ERLIN2: variants seen among roughly 807,000 people sequenced by gnomAD.
ERLIN2 encodes the protein ER lipid raft associated 2.
A neutral mutation model predicts 41.5 loss-of-function variants in ERLIN2; 22 were observed. That is an observed-to-expected ratio of 0.53 (90% CI 0.38 to 0.76). The LOEUF is 0.76. Ranked by LOEUF, ERLIN2 falls within the 30% of genes least tolerant of loss-of-function variation. The probability of loss-of-function intolerance (pLI) is 0.00; values close to 1 mark genes in which losing one functional copy is unlikely to be tolerated. For missense variants in ERLIN2, 247 were observed against 414.3 expected, an observed-to-expected ratio of 0.60 and a Z score of 3.51; for synonymous variants, 149 against 150.9, an observed-to-expected ratio of 0.99 and a Z score of 0.09.
At position 37,741,778 on chromosome 8, in the gene ERLIN2, C is replaced by T. The variant is rs1337031030; in HGVS notation, c.196C>T (p.Leu66Phe). 6.2e-7 allele frequency: 1 copy of T among 1,613,430 alleles called. No individual in the cohort carries two copies. Among genetic ancestry groups the T allele is most frequent in the Non-Finnish European group, 8.5e-7 (1 of 1,179,316 alleles). Reference sequence around the variant, plus strand: ...ATGTTTCCTCTGTTTCCAGACCACACTCCAGACAGATGAGGTGAAGAATGT... The same window carrying T: ...ATGTTTCCTCTGTTTCCAGACCACATTCCAGACAGATGAGGTGAAGAATGT... Reference protein sequence around the residue: ...ITSYKSVQTTLQTDEVKNVPC... With the variant: ...ITSYKSVQTTFQTDEVKNVPC... The change falls in exon 4 of 12, where the codon CTC becomes TTC. Residue 66 changes from leucine to phenylalanine, a missense_variant. By Grantham distance (22) the Leu-to-Phe change is conservative. Around this residue, in one of 3 missense-constraint regions of ERLIN2, gnomAD observed 93 missense variants for 139.0 expected, o/e 0.67. Transcript: ENST00000519638. This position sits in a 1 kb window ranked among gnomAD's most constrained non-coding sequence, Gnocchi z 4.8.
chr8:37,740,222 G>C, intron 2 of ERLIN2, 143 bp from the exon 3 acceptor site: 1 of 713,192 alleles, frequency 1.4e-6, no homozygotes, highest in Non-Finnish European at 2.6e-6. Context: ...GAGGAAGAAA[G>C]GGATCTGTAG....
At position 37,756,162 on chromosome 8, in the gene ERLIN2, T is replaced by C. The variant is rs1803354278; in HGVS notation, c.*2047T>C. ...CAAGATCATGCCATCCCACTCTAGCTTGGGCAATAGAGCAAGGCTCCGTCT... is the reference window on the plus strand; with the variant it reads ...CAAGATCATGCCATCCCACTCTAGCCTGGGCAATAGAGCAAGGCTCCGTCT... On this transcript the variant is annotated 3_prime_UTR_variant, in exon 12 of 12. Coordinates refer to ENST00000519638, the MANE Select transcript of ERLIN2 (RefSeq NM_007175.8). 2 of 152,184 alleles carry C rather than the reference T, an allele frequency of 1.3e-5. No homozygotes were observed. Among genetic ancestry groups the C allele is most frequent in the South Asian group, 2.1e-4 (1 of 4,834 alleles). 9.4% of individuals were successfully genotyped at this position (152,184 alleles called of 1,614,324 possible). A position where few individuals can be genotyped will look rare whatever the true frequency, so the allele number is the denominator to read the frequency against.
chr8:37,744,262 C>G, intron 4 of ERLIN2, 93 bp from the exon 5 acceptor site: 1 of 1,104,874 alleles, frequency 9.1e-7, no homozygotes, highest in Non-Finnish European at 1.4e-6. Context: ...TACTCCTTTT[C>G]TGCCAAGCCC....
At chr8:37,740,952 A>G (rs1802832465) in intron 3 of ERLIN2, among the ~76,000 whole-genome samples, 1 of 152,216 alleles carries the variant, frequency 6.6e-6, no homozygotes, top group Non-Finnish European at 1.5e-5. Flanking sequence ...AAGAATAACA[A>G]GATTTTACAC....
chr8:37,746,255 C>CT, intron 6 of ERLIN2: 1 of 985,528 alleles, frequency 1.0e-6, no homozygotes, highest in Non-Finnish European at 1.2e-6. Flanking sequence ...ATAGCCCAGA[C>CT]TTTAAACATG....
chr8:37,736,635 C>A lies in ERLIN2; in HGVS notation c.-59C>A. ...GCTGAGGGGTGTGACGGTTTTCTTG[C>A]TCGTGGGCTCGGACGAGTACGGAGC... On this transcript the variant is annotated 5_prime_UTR_variant, in exon 1 of 12. Transcript: ENST00000519638. The A allele has an allele frequency of 1.0e-6, 1 of 986,314 alleles. No homozygotes were observed. The highest frequency in any genetic ancestry group is 6.1e-5 in the Admixed American group (1 of 16,322). The allele number at this position is 986,314 out of a possible 1,614,324, so 61.1% of individuals were successfully genotyped here.
chr8:37,748,296 T>C (rs1019862368), intron 6 of ERLIN2, among the ~76,000 whole-genome samples: 2 of 152,242 alleles, frequency 1.3e-5, no homozygotes, highest in Admixed American at 6.5e-5. Flanking sequence ...ACGGGCCATT[T>C]AAAGTTTGGT....
chr8:37,755,548 GACCCCCA>G lies in ERLIN2; in HGVS notation c.*1434_*1440del, dbSNP rs1803334027. 1.9e-5 allele frequency: 1 copy of G among 52,340 alleles called. No homozygotes were observed. Among genetic ancestry groups the G allele is most frequent in the Admixed American group, 1.8e-4 (1 of 5,658 alleles). 3.2% of individuals were successfully genotyped at this position (52,340 alleles called of 1,614,324 possible). A position where few individuals can be genotyped will look rare whatever the true frequency, so the allele number is the denominator to read the frequency against. On this transcript the variant is annotated 3_prime_UTR_variant, in exon 12 of 12. Transcript: ENST00000519638. ...TTAGGACTTGGCCCTGTTATGAGCT[GACCCCCA>G]CCCCCCACCCCCCACCCCCCCCCCC... is the stretch of plus-strand genomic sequence containing the variant.
Position 37,744,354 on chromosome 8 carries a change from G to T in ERLIN2, c.237-1G>T. On this transcript the variant is annotated splice_acceptor_variant, in intron 4 of 11. Coordinates refer to ENST00000519638, the MANE Select transcript of ERLIN2 (RefSeq NM_007175.8). LOFTEE classifies it high-confidence loss of function. The stretch of plus-strand genomic sequence containing the variant: ...CTTCTTGTCCATTCTCCCTCCAATA[G>T]TGGTGGTGTGATGATCTACTTTGAC... 2 of 1,613,416 alleles carry T rather than the reference G, an allele frequency of 1.2e-6. No individual in the cohort carries two copies. Among genetic ancestry groups the T allele is most frequent in the Non-Finnish European group, 1.7e-6 (2 of 1,179,384 alleles).
At chr8:37,750,980 A>G (rs922965401) in intron 9 of ERLIN2, among the ~76,000 whole-genome samples, 2 of 152,128 alleles carry the variant, frequency 1.3e-5, no homozygotes, top group African/African-American at 4.8e-5. Context: ...CAGCCTCCCA[A>G]AGTGCTGGGA....
intron 8 of ERLIN2, chr8:37,750,089 CA>C (rs1318216583): frequency 1.6e-6 from 1 of 631,404 alleles, no homozygotes; most frequent in African/African-American, 1.8e-5. Flanking sequence ...TGAAAAGGGC[CA>C]GGGGGCCTTG....
chr8:37,744,545 T>C, intron 5 of ERLIN2, 26 bp from the exon 6 acceptor site: 2 of 1,614,160 alleles, frequency 1.2e-6, no homozygotes, highest in Non-Finnish European at 1.7e-6. Flanking sequence ...CCTTTTCTTA[T>C]GCCAAGCCCT....
chr8:37,747,553 A>G lies in ERLIN2; in HGVS notation c.425-2006A>G, dbSNP rs777332001. On this transcript the variant is annotated intron_variant, in intron 6 of 11. Coordinates refer to ENST00000519638, the MANE Select transcript of ERLIN2 (RefSeq NM_007175.8). Reference sequence around the variant, plus strand: ...CACAGTGACAGAACTGAACTTGCCCATGTCTTTGGTCCGTTTGGTCATCAT... The same window carrying G: ...CACAGTGACAGAACTGAACTTGCCCGTGTCTTTGGTCCGTTTGGTCATCAT... 1.9e-6 allele frequency: 3 copies of G among 1,612,366 alleles called. No individual in the cohort carries two copies. In the South Asian group the frequency reaches 3.3e-5, roughly 18 times the overall value.
intron 11 of ERLIN2, 25 bp downstream of exon 11, chr8:37,753,554 A>G (rs777054945): frequency 1.2e-5 from 19 of 1,605,718 alleles, no homozygotes; most frequent in Non-Finnish European, 1.6e-5. Context: ...CAGCCTGATA[A>G]AAAGGAGTCT....
In ERLIN2 at chr8:37,758,371, T is replaced by G. The variant is rs953305828; in HGVS notation, c.*4256T>G. 2 of 152,242 alleles carry G rather than the reference T, an allele frequency of 1.3e-5. No individual in the cohort carries two copies. Among genetic ancestry groups the G allele is most frequent in the African/African-American group, 4.8e-5 (2 of 41,472 alleles). 9.4% of individuals were successfully genotyped at this position (152,242 alleles called of 1,614,324 possible). ...GGTCTTGAATAAGTTTTTTGACCTC[T>G]CTAAGCCTCAGTTTCTTCATTAATA... On this transcript the variant is annotated 3_prime_UTR_variant, in exon 12 of 12. Coordinates refer to ENST00000519638, the MANE Select transcript of ERLIN2 (RefSeq NM_007175.8).
chr8:37,744,988 C>G, intron 6 of ERLIN2: 1 of 606,980 alleles, frequency 1.6e-6, no homozygotes, highest in Non-Finnish European at 2.9e-6. Context: ...TCCCACTGTT[C>G]CTAAACTATC....
chr8:37,737,395 C>T (rs1296205018), intron 1 of ERLIN2: 1 of 192,168 alleles, frequency 5.2e-6, no homozygotes, highest in Admixed American at 5.3e-5. Context: ...ACTCTGCTCG[C>T]CTGCTGGCTC....
In ERLIN2 at chr8:37,753,514, A is replaced by C. The variant is rs1803277846; in HGVS notation, c.804A>C (p.Ile268=). The change falls in exon 11 of 12, where the codon ATA becomes ATC. Residue 268 remains isoleucine (I), a synonymous_variant. Transcript: ENST00000519638. ...CTGAGTGCTACACTGCTATGAAAAT[A>C]GCCGAAGCCAATAAGGTAAAGACCC... The part of the protein sequence containing the change: ...ADAECYTAMK[I]AEANKLKLTP... 6.2e-7 allele frequency: 1 copy of C among 1,614,124 alleles called. No homozygotes were observed. Among genetic ancestry groups the C allele is most frequent in the Non-Finnish European group, 8.5e-7 (1 of 1,180,008 alleles).
intron 4 of ERLIN2, among the ~76,000 whole-genome samples, chr8:37,743,586 G>T (rs147239850): frequency 6.6e-6 from 1 of 152,186 alleles, no homozygotes; most frequent in Non-Finnish European, 1.5e-5. Flanking sequence ...ATATGAATCT[G>T]GGGGCGAGGC....
Sources: gnomAD v4.1 joint callset for allele counts (sites outside exome capture counted in the v4.1 genomes callset) on GRCh38, gnomAD v4.1.1 for gene constraint, gnomAD v4.1.1 regional missense constraint, Gnocchi (gnomAD v3.1) non-coding constraint, MANE v1.5 for transcripts, NCBI Gene and HGNC (gene_info 2026-07-23, HGNC 2026-07-21) for gene names.